FSTL5: variants seen among roughly 807,000 people sequenced by gnomAD.
The protein encoded by FSTL5 is follistatin like 5.
FSTL5 carries 62 observed loss-of-function variants against 89.1 expected under a neutral mutation model. That is an observed-to-expected ratio of 0.70 (90% CI 0.57 to 0.86). The LOEUF is 0.86. FSTL5 is among the 40% of genes least tolerant of loss of function. FSTL5 has a pLI of 0.00. For synonymous variants in FSTL5, 383 were observed against 346.2 expected (o/e 1.11, Z -1.18); for missense variants, 1,057 against 1,001.6 (o/e 1.06, Z -0.75).
intron 6 of FSTL5, among the ~76,000 whole-genome samples, chr4:161,687,231 A>C (rs1009628747): frequency 8.5e-5 from 13 of 152,184 alleles, no homozygotes; most frequent in African/African-American, 2.9e-4. Flanking sequence ...TGTCACAAAT[A>C]ATTTTGTCAT....
intron 12 of FSTL5, among the ~76,000 whole-genome samples, chr4:161,481,428 T>C (rs1729503160): frequency 6.6e-6 from 1 of 152,184 alleles, no homozygotes; most frequent in South Asian, 2.1e-4. Context: ...CTTTCATTTT[T>C]TTTCCTACTT....
At chr4:161,644,211 G>C (rs1314776065) in intron 7 of FSTL5, among the ~76,000 whole-genome samples, 1 of 152,096 alleles carries the variant, frequency 6.6e-6, no homozygotes, top group Non-Finnish European at 1.5e-5. Context: ...TCAGTAGAGA[G>C]GGAGAGAAGA....
chr4:161,784,602 T>C (rs1741815096), intron 4 of FSTL5, among the ~76,000 whole-genome samples: 1 of 152,026 alleles, frequency 6.6e-6, no homozygotes, highest in Non-Finnish European at 1.5e-5. Flanking sequence ...ATAGAAGATA[T>C]GCTATCCACG....
chr4:161,689,112 A>G (rs2126717280), intron 6 of FSTL5, among the ~76,000 whole-genome samples: 1 of 152,328 alleles, frequency 6.6e-6, no homozygotes, highest in South Asian at 2.1e-4. Flanking sequence ...GTAAGTGAAG[A>G]CTATGGAAAG....
intron 4 of FSTL5, among the ~76,000 whole-genome samples, chr4:161,880,442 A>G (rs907529021): frequency 6.6e-6 from 1 of 152,214 alleles, no homozygotes; most frequent in Non-Finnish European, 1.5e-5. Context: ...TTGAACTGGA[A>G]ACTGGTACAG....
chr4:161,481,823 A>C (rs1160526619), intron 12 of FSTL5, among the ~76,000 whole-genome samples: 1 of 152,210 alleles, frequency 6.6e-6, no homozygotes, highest in Non-Finnish European at 1.5e-5. Context: ...ACCATAAATG[A>C]GGCCAAGAAA....
intron 15 of FSTL5, among the ~76,000 whole-genome samples, chr4:161,430,595 C>T (rs1732324396): frequency 6.6e-6 from 1 of 152,096 alleles, no homozygotes. Context: ...AAAATATTAG[C>T]CGGGCGTGGT....
chr4:161,794,351 C>A (rs1205706515), intron 4 of FSTL5, among the ~76,000 whole-genome samples: 4 of 152,076 alleles, frequency 2.6e-5, no homozygotes, highest in Non-Finnish European at 5.9e-5. Context: ...GACATTAGTT[C>A]GGGTGTTAAA....
intron 4 of FSTL5, among the ~76,000 whole-genome samples, chr4:161,913,157 C>T (rs1317882069): frequency 6.6e-6 from 1 of 152,152 alleles, no homozygotes; most frequent in Non-Finnish European, 1.5e-5. Context: ...AAGAAAAGCA[C>T]ATTTTTGAGG....
intron 4 of FSTL5, among the ~76,000 whole-genome samples, chr4:161,783,984 A>G (rs1045326418): frequency 7.3e-5 from 11 of 149,966 alleles, no homozygotes; most frequent in Admixed American, 6.0e-4. Context: ...CGCCCAGGTT[A>G]CAGTGCGGTG....
At chr4:161,826,031 C>T (rs1215749454) in intron 4 of FSTL5, among the ~76,000 whole-genome samples, 1 of 152,018 alleles carries the variant, frequency 6.6e-6, no homozygotes, top group East Asian at 1.9e-4. Flanking sequence ...GTGAACTTTC[C>T]TCTTAGCACT....
chr4:161,404,885 G>A (rs982466814), intron 15 of FSTL5, among the ~76,000 whole-genome samples: 1 of 151,958 alleles, frequency 6.6e-6, no homozygotes, highest in Non-Finnish European at 1.5e-5. Context: ...AAAACTTTCC[G>A]AGGAAGAACA....
chr4:161,841,144 T>C (rs781362279), intron 4 of FSTL5, among the ~76,000 whole-genome samples: 3 of 152,164 alleles, frequency 2.0e-5, no homozygotes, highest in Non-Finnish European at 2.9e-5. Context: ...GTAGGCTCTG[T>C]TCACACTTCT....
chr4:162,050,304 T>A (rs1361567478), intron 2 of FSTL5, among the ~76,000 whole-genome samples: 1 of 151,272 alleles, frequency 6.6e-6, no homozygotes, highest in Non-Finnish European at 1.5e-5. Flanking sequence ...GAAAAATAAT[T>A]ATATTGACAT....
chr4:162,145,417 G>T (rs1030584225), intron 1 of FSTL5, among the ~76,000 whole-genome samples: 1 of 151,956 alleles, frequency 6.6e-6, no homozygotes, highest in Non-Finnish European at 1.5e-5. Flanking sequence ...AGTCATAATT[G>T]TCTATTTTAT....
Position 162,040,697 on chromosome 4 carries a change from A to G in FSTL5, c.127-7039T>C, listed in dbSNP as rs75414831. On this transcript the variant is annotated intron_variant, in intron 2 of 15. Transcript: ENST00000306100. ...TTCTACTTTGTTTAATCAAAATCTT[A>G]TCACCTTTTATTTAAAATTCTTTTT... 4.5e-3 allele frequency among the ~76,000 whole-genome samples: 690 copies of G among 152,180 alleles called. 12 individuals carry two copies. In the South Asian group the frequency reaches 0.054, roughly 12 times the overall value.
At chr4:161,563,008 C>G (rs1426677362) in intron 8 of FSTL5, among the ~76,000 whole-genome samples, 2 of 151,956 alleles carry the variant, frequency 1.3e-5, no homozygotes, top group Non-Finnish European at 2.9e-5. Context: ...AAGGATGTAA[C>G]AACAACATGA....
chr4:161,395,910 T>C (rs924631869), intron 15 of FSTL5, among the ~76,000 whole-genome samples: 3 of 152,040 alleles, frequency 2.0e-5, no homozygotes, highest in African/African-American at 4.8e-5. Context: ...TACTAGATTG[T>C]TATAACAATG....
At chr4:162,137,773 G>T (rs79670287) in intron 1 of FSTL5, among the ~76,000 whole-genome samples, 1,620 of 152,258 alleles carry the variant, frequency 0.011, 31 homozygotes, top group African/African-American at 0.036. Flanking sequence ...TTTTCCAGAG[G>T]TGTTGCTAAT....
Sources: allele counts gnomAD v4.1 joint callset (sites outside exome capture counted in the v4.1 genomes callset), GRCh38; gene constraint gnomAD v4.1.1; transcripts MANE v1.5; gene names NCBI Gene and HGNC (gene_info 2026-07-23, HGNC 2026-07-21).